The following SYNE2 variants were observed in gnomAD, a reference collection of about 807,000 sequenced individuals.
The protein encoded by SYNE2 is spectrin repeat containing nuclear envelope protein 2, also known as nesprin-2.
SYNE2 carries 431 observed loss-of-function variants against 856.3 expected under a neutral mutation model. The ratio of observed to expected loss-of-function variants is 0.50; its 90% CI spans 0.47 to 0.55. The LOEUF (loss-of-function observed/expected upper bound fraction) is 0.55. SYNE2 is among the 20% of genes least tolerant of loss of function. SYNE2 has a pLI of 0.00. For synonymous variants in SYNE2, 2,923 were observed against 2,872.3 expected (o/e 1.02, Z -0.56); for missense variants, 8,129 against 8,023.2 (o/e 1.01, Z -0.50).
At chr14:63,853,422 G>C (rs2139994674) in intron 1 of SYNE2, among the ~76,000 whole-genome samples, 1 of 151,748 alleles carries the variant, frequency 6.6e-6, no homozygotes, top group East Asian at 2.0e-4. Context: ...GTCTCTCTGG[G>C]TTCTTTGTGT....
chr14:63,857,448 T>A (rs1419820781), intron 1 of SYNE2, among the ~76,000 whole-genome samples: 1 of 152,200 alleles, frequency 6.6e-6, no homozygotes. Flanking sequence ...TTATACACAG[T>A]CTTTGTATGC....
At chr14:64,015,064 TGTGTATATATGTATATATATATAAC>T (rs2096882029) in intron 32 of SYNE2, among the ~76,000 whole-genome samples, 2 of 145,316 alleles carry the variant, frequency 1.4e-5, no homozygotes, top group East Asian at 4.0e-4. Flanking sequence ...TAAATATATA[TGTGTATATATGTATATATATATAAC>T]GTGTATATAT....
At chr14:63,966,978 G>A (rs1566930794) in intron 10 of SYNE2, among the ~76,000 whole-genome samples, 1 of 151,960 alleles carries the variant, frequency 6.6e-6, no homozygotes. Context: ...CGATTCTCCT[G>A]CCTCAGCCTC....
intron 49 of SYNE2, among the ~76,000 whole-genome samples, chr14:64,056,767 T>C (rs2097273798): frequency 6.6e-6 from 1 of 151,898 alleles, no homozygotes; most frequent in Admixed American, 6.6e-5. Context: ...GCCTCCCGAG[T>C]TCAAGTAATT....
rs369835751 is a variant in SYNE2, at chr14:63,783,149, A to C, written c.-305+21163A>C. On this transcript the variant is annotated intron_variant, in intron 1 of 23. Coordinates refer to the SYNE2 transcript ENST00000674003. ...GTGGAGGTAATTGAATCATGGGAGC[A>C]GTTCTCCCATGCTATTCTCATGATA... 3.3e-4 allele frequency among the ~76,000 whole-genome samples: 50 copies of C among 152,302 alleles called. 1 individual carries two copies. The highest frequency in any genetic ancestry group is 1.2e-3 in the African/African-American group (49 of 41,574).
chr14:64,016,417 C>A, intron 32 of SYNE2, 56 bp from the exon 33 acceptor site: 1 of 1,178,588 alleles, frequency 8.5e-7, no homozygotes, highest in Non-Finnish European at 1.2e-6. Flanking sequence ...AATTGTGATT[C>A]TTAGCTGTTT....
chr14:63,839,721 T>C (rs991666951), intron 1 of SYNE2, among the ~76,000 whole-genome samples: 1 of 152,118 alleles, frequency 6.6e-6, no homozygotes, highest in African/African-American at 2.4e-5. Context: ...GATAGATAGA[T>C]AAATAAAGAT....
At chr14:64,182,579 G>T (rs925891843) in intron 96 of SYNE2, among the ~76,000 whole-genome samples, 1 of 152,074 alleles carries the variant, frequency 6.6e-6, no homozygotes, top group African/African-American at 2.4e-5. Context: ...AGATTAGGGA[G>T]TGGTGATGAC....
chr14:63,846,043 C>G (rs1595168526), intron 1 of SYNE2, among the ~76,000 whole-genome samples: 2 of 132,498 alleles, frequency 1.5e-5, no homozygotes, highest in African/African-American at 5.6e-5. Context: ...CGTACCTGCC[C>G]TTTTTTTTTT....
chr14:64,221,487 G>T, intron 111 of SYNE2, 89 bp from the exon 112 acceptor site: 2 of 1,613,058 alleles, frequency 1.2e-6, no homozygotes, highest in Non-Finnish European at 1.7e-6. Flanking sequence ...AAATGACTGT[G>T]ATGGATTGGA....
chr14:64,185,271 A>T (rs1272715), intron 96 of SYNE2, among the ~76,000 whole-genome samples: 80,092 of 151,692 alleles, frequency 0.53, 23,549 homozygotes, highest in African/African-American at 0.79. Flanking sequence ...CTTAAAAAAA[A>T]AATAAAAATT....
At position 64,007,075 on chromosome 14, in the gene SYNE2, T is replaced by C. The variant is rs1459002296; in HGVS notation, c.4430T>C (p.Leu1477Pro). The C allele has an allele frequency of 3.1e-6, 5 of 1,613,792 alleles. No individual in the cohort carries two copies. In the South Asian group the frequency reaches 3.3e-5, roughly 11 times the overall value. ...TCATTAATCAGACTGGATAAGGTTC[T>C]AGATGAATATGAAGAAGAGAAGAGA... Reference protein sequence around the residue: ...KKSLIRLDKVLDEYEEEKRHL... With the variant: ...KKSLIRLDKVPDEYEEEKRHL... The change falls in exon 31 of 116, where the codon CTA (leucine) becomes CCA (proline). Residue 1477 changes from leucine to proline, a missense_variant. Transcript: ENST00000555002.
At chr14:64,179,098 A>G (rs2098447192) in intron 96 of SYNE2, among the ~76,000 whole-genome samples, 2 of 152,092 alleles carry the variant, frequency 1.3e-5, no homozygotes, top group African/African-American at 4.8e-5. Context: ...AAATACATAA[A>G]TTTTAAAACT....
chr14:64,191,955 C>T (rs892376434), intron 99 of SYNE2, among the ~76,000 whole-genome samples: 12 of 152,130 alleles, frequency 7.9e-5, no homozygotes, highest in African/African-American at 1.9e-4. Context: ...CATCAGAGGC[C>T]GCTGGTGCTG....
chr14:63,818,995 G>A (rs1889113908), intron 1 of SYNE2, among the ~76,000 whole-genome samples: 1 of 151,434 alleles, frequency 6.6e-6, no homozygotes, highest in Non-Finnish European at 1.5e-5. Context: ...ACTGCACCTG[G>A]CCCAAATTTT....
At position 64,100,525 on chromosome 14, in the gene SYNE2, AAAAAAAATATATATAT is replaced by A. The variant is rs1470989255; in HGVS notation, c.12382-1405_12382-1390del. ...GAGCAAAACTGTCTCAAAAAAAAAA[AAAAAAAATATATATAT>A]ATATATATATATATATATATATATA... On this transcript the variant is annotated intron_variant, in intron 63 of 115. Coordinates refer to ENST00000555002, the MANE Select transcript of SYNE2 (RefSeq NM_182914.3). Among the ~76,000 whole-genome samples the A allele has an allele frequency of 1.1e-4, 8 of 70,112 alleles. No individual in the cohort carries two copies. In the East Asian group the frequency reaches 2.3e-3, roughly 20 times the overall value. The allele number at this position is 70,112 out of a possible 152,430, so 46.0% of individuals were successfully genotyped here.
chr14:64,147,110 T>TC (rs1454612679), intron 84 of SYNE2, among the ~76,000 whole-genome samples: 1 of 152,222 alleles, frequency 6.6e-6, no homozygotes, highest in Non-Finnish European at 1.5e-5. Flanking sequence ...TGCTGGCCTG[T>TC]CCCCTAGTAG....
intron 35 of SYNE2, among the ~76,000 whole-genome samples, chr14:64,020,676 G>A (rs1008320779): frequency 1.3e-5 from 2 of 152,178 alleles, no homozygotes; most frequent in Admixed American, 1.3e-4. Context: ...GTATAGGAAG[G>A]AGAATTTCAC....
At chr14:64,097,820 CT>C (rs1309333793) in intron 61 of SYNE2, 128 bp from the exon 62 acceptor site, 6 of 892,580 alleles carry the variant, frequency 6.7e-6, no homozygotes, top group Non-Finnish European at 1.1e-5. Context: ...GTACCAGAGA[CT>C]AGCTTCTGGC....
Sources: gnomAD v4.1 joint callset for allele counts (sites outside exome capture counted in the v4.1 genomes callset) on GRCh38, gnomAD v4.1.1 for gene constraint, MANE v1.5 for transcripts, NCBI Gene and HGNC (gene_info 2026-07-23, HGNC 2026-07-21) for gene names.